The following TMTC2 variants were observed in gnomAD, a reference collection of about 807,000 sequenced individuals.
The protein encoded by TMTC2 is transmembrane O-mannosyltransferase targeting cadherins 2, also known as protein O-mannosyl-transferase TMTC2.
In TMTC2, 43 loss-of-function variants were observed where a neutral mutation model predicts 82.4. The observed-to-expected ratio is 0.52, with a 90% CI of 0.41 to 0.67. The LOEUF (loss-of-function observed/expected upper bound fraction) is 0.67, where lower values mean the gene tolerates loss of function less well. Ranked by LOEUF, TMTC2 falls within the 30% of genes least tolerant of loss-of-function variation. The pLI is 0.00. For missense variants in TMTC2, 919 were observed against 1,012.4 expected (o/e 0.91, Z 1.25); for synonymous variants, 408 against 381.9 (o/e 1.07, Z -0.80).
intron 2 of TMTC2, among the ~76,000 whole-genome samples, chr12:82,861,674 A>G (rs572522365): frequency 4.1e-4 from 62 of 152,336 alleles, no homozygotes; most frequent in African/African-American, 1.5e-3. Context: ...TATGTAACAA[A>G]TGCTCGTTGA....
chr12:82,833,973 C>T (rs770921794), intron 1 of TMTC2, among the ~76,000 whole-genome samples: 1 of 152,084 alleles, frequency 6.6e-6, no homozygotes, highest in Non-Finnish European at 1.5e-5. Context: ...AATTTAAAAA[C>T]TTGTGGACTT....
intron 1 of TMTC2, among the ~76,000 whole-genome samples, chr12:82,821,299 A>G (rs1016226364): frequency 6.6e-6 from 1 of 152,218 alleles, no homozygotes. Context: ...TAAGCATCTC[A>G]CAAAAGTCCT....
At chr12:82,699,900 T>C (rs1872990763) in intron 1 of TMTC2, among the ~76,000 whole-genome samples, 1 of 152,130 alleles carries the variant, frequency 6.6e-6, no homozygotes, top group South Asian at 2.1e-4. Context: ...AAAACAAAGA[T>C]TGTGTCTGTA....
chr12:82,911,997 T>C (rs1368180715), intron 3 of TMTC2, among the ~76,000 whole-genome samples: 1 of 152,208 alleles, frequency 6.6e-6, no homozygotes, highest in Non-Finnish European at 1.5e-5. Context: ...TTGGAGGTTT[T>C]ATTTTGTCTT....
intron 1 of TMTC2, among the ~76,000 whole-genome samples, chr12:82,846,614 A>G (rs1262418301): frequency 1.3e-5 from 2 of 151,694 alleles, no homozygotes; most frequent in South Asian, 4.2e-4. Context: ...TATCGGAAAA[A>G]CTCGTAAAGG....
At chr12:83,106,021 G>A (rs921029095) in intron 11 of TMTC2, among the ~76,000 whole-genome samples, 2 of 152,024 alleles carry the variant, frequency 1.3e-5, no homozygotes, top group African/African-American at 4.8e-5. Flanking sequence ...TATCTTGAAA[G>A]GAAAAATACT....
At chr12:82,846,235 A>G (rs867421883) in intron 1 of TMTC2, among the ~76,000 whole-genome samples, 1 of 151,986 alleles carries the variant, frequency 6.6e-6, no homozygotes, top group Non-Finnish European at 1.5e-5. Flanking sequence ...GCGCACACGT[A>G]TAGTCCCAGC....
rs141143433 is a variant in TMTC2 at position 82,971,205 on chromosome 12, G to A, written c.1948+4208G>A. Among the ~76,000 whole-genome samples the A allele has an allele frequency of 5.3e-5, 8 of 152,192 alleles. 1 individual carries two copies. The highest frequency in any genetic ancestry group is 1.9e-4 in the African/African-American group (8 of 41,548). On this transcript the variant is annotated intron_variant, in intron 7 of 11. Transcript: ENST00000321196. Reference sequence around the variant, plus strand: ...TTTACAGTTTGTATTAGAACCAGGAGTATAGTTTCTTGACTTGAATCCAAA... The same window carrying A: ...TTTACAGTTTGTATTAGAACCAGGAATATAGTTTCTTGACTTGAATCCAAA...
chr12:82,918,822 A>G (rs1034001766), intron 3 of TMTC2, among the ~76,000 whole-genome samples: 2 of 148,796 alleles, frequency 1.3e-5, no homozygotes, highest in African/African-American at 5.0e-5. Context: ...CAGTGGTGCG[A>G]TCTCGGCTCA....
intron 3 of TMTC2, among the ~76,000 whole-genome samples, chr12:82,920,489 A>C (rs1382748539): frequency 1.3e-5 from 2 of 152,156 alleles, no homozygotes; most frequent in Non-Finnish European, 2.9e-5. Flanking sequence ...ACCATGGCAG[A>C]CTGTGGACTA....
At chr12:83,002,634 TTC>T (rs1451746675) in intron 8 of TMTC2, among the ~76,000 whole-genome samples, 4 of 152,200 alleles carry the variant, frequency 2.6e-5, no homozygotes, top group Non-Finnish European at 5.9e-5. Context: ...AATTTTTTAT[TTC>T]TGTCTTAATT....
intron 7 of TMTC2, among the ~76,000 whole-genome samples, chr12:82,979,191 T>C (rs1878813349): frequency 6.6e-6 from 1 of 151,698 alleles, no homozygotes; most frequent in Non-Finnish European, 1.5e-5. Context: ...AATATTATAA[T>C]TTATAAATAA....
intron 11 of TMTC2, among the ~76,000 whole-genome samples, chr12:83,095,297 G>A (rs1883988974): frequency 2.0e-5 from 3 of 150,990 alleles, no homozygotes; most frequent in African/African-American, 4.9e-5. Flanking sequence ...CTGGAGTGCA[G>A]TGGCGTGATC....
intron 2 of TMTC2, among the ~76,000 whole-genome samples, chr12:82,894,746 A>G (rs1301055902): frequency 6.6e-6 from 1 of 152,044 alleles, no homozygotes; most frequent in Non-Finnish European, 1.5e-5. Flanking sequence ...GACCCTCCTC[A>G]CAATTTTTTG....
At chr12:82,837,279 G>A (rs1202466901) in intron 1 of TMTC2, among the ~76,000 whole-genome samples, 1 of 152,156 alleles carries the variant, frequency 6.6e-6, no homozygotes. Context: ...CAGGAAATAA[G>A]ATTGGATTTA....
chr12:82,992,280 A>T (rs1879435321), intron 8 of TMTC2, among the ~76,000 whole-genome samples: 2 of 152,026 alleles, frequency 1.3e-5, no homozygotes, highest in Non-Finnish European at 2.9e-5. Context: ...CATTCATTTG[A>T]CCCTCTCCAG....
At chr12:82,741,725 G>A (rs751902135) in intron 1 of TMTC2, among the ~76,000 whole-genome samples, 1 of 152,182 alleles carries the variant, frequency 6.6e-6, no homozygotes, top group African/African-American at 2.4e-5. Context: ...GATTTAAATC[G>A]TAATTTGATG....
chr12:83,119,795 T>C (rs567124355), intron 11 of TMTC2, among the ~76,000 whole-genome samples: 1 of 152,318 alleles, frequency 6.6e-6, no homozygotes, highest in South Asian at 2.1e-4. Flanking sequence ...TCAGGTCTAG[T>C]AGTCATTTTA....
At chr12:82,761,073 T>C (rs1236490661) in intron 1 of TMTC2, 1 of 154,142 alleles carries the variant, frequency 6.5e-6, no homozygotes, top group African/African-American at 2.4e-5. Context: ...ATGAAACTGG[T>C]CCCTTGTACC....
Sources: allele counts gnomAD v4.1 joint callset (sites outside exome capture counted in the v4.1 genomes callset), GRCh38; gene constraint gnomAD v4.1.1; transcripts MANE v1.5; gene names NCBI Gene and HGNC (gene_info 2026-07-23, HGNC 2026-07-21).